Variants in ZNF195 observed in about 807,000 individuals in gnomAD.
ZNF195 encodes the protein zinc finger protein 195.
ZNF195 carries 11 observed loss-of-function variants against 19.5 expected under a neutral mutation model. The observed-to-expected ratio is 0.57, with a 90% confidence interval of 0.36 to 0.94. The LOEUF is 0.94. Among genes scored for constraint, ZNF195 ranks in the 40% least tolerant of loss-of-function variants. The pLI is 0.01. For synonymous variants in ZNF195, 214 were observed against 248.1 expected (o/e 0.86, Z 1.29); for missense variants, 582 against 709.0 (o/e 0.82, Z 2.03).
intron 3 of ZNF195, among the ~76,000 whole-genome samples, chr11:3,367,792 C>A (rs1428128030): frequency 6.6e-6 from 1 of 151,958 alleles, no homozygotes; most frequent in Non-Finnish European, 1.5e-5. Flanking sequence ...GGAGTGCTTG[C>A]CGGGTGCAGT....
In ZNF195 at chr11:3,373,644, G is replaced by A. The variant is rs1316862011; in HGVS notation, c.4-1941C>T. 7.1e-6 allele frequency: 11 copies of A among 1,548,160 alleles called. No individual in the cohort carries two copies. The Admixed American group carries it at 9.8e-5, about 14-fold the overall frequency. On this transcript the variant is annotated intron_variant, in intron 1 of 5. Transcript: ENST00000399602. ...GATTTCCTCTTAGGAAAGATTCTCT[G>A]GACAAATCACACCTGCATCGTGAGA...
At chr11:3,377,921 G>A (rs1477371048) in intron 1 of ZNF195, 2 of 986,360 alleles carry the variant, frequency 2.0e-6, no homozygotes, top group Middle Eastern at 5.2e-4. Context: ...TAAAAAGGAG[G>A]AGAGGCACAA....
At chr11:3,364,709 C>T (rs997922786) in intron 3 of ZNF195, among the ~76,000 whole-genome samples, 6 of 152,078 alleles carry the variant, frequency 3.9e-5, no homozygotes, top group African/African-American at 1.4e-4. Context: ...CTTGTCCACA[C>T]AAAATCAACA....
chr11:3,361,648 TA>T, intron 4 of ZNF195, 94 bp downstream of exon 4: 1 of 1,005,474 alleles, frequency 9.9e-7, no homozygotes, highest in Non-Finnish European at 1.3e-6. Context: ...AAAAGGGACA[TA>T]AGACACATTA....
At chr11:3,370,251 T>C (rs1475044909) in intron 3 of ZNF195, among the ~76,000 whole-genome samples, 3 of 151,852 alleles carry the variant, frequency 2.0e-5, no homozygotes, top group Non-Finnish European at 4.4e-5. Context: ...CACACATACA[T>C]ACATATGAAT....
intron 1 of ZNF195, among the ~76,000 whole-genome samples, chr11:3,378,469 A>G (rs1438530576): frequency 6.6e-6 from 1 of 152,202 alleles, no homozygotes; most frequent in East Asian, 1.9e-4. Context: ...CCTCTAATTA[A>G]CTTCTGATTA....
chr11:3,375,297 T>A (rs564312981), intron 1 of ZNF195, among the ~76,000 whole-genome samples: 1 of 152,312 alleles, frequency 6.6e-6, no homozygotes, highest in African/African-American at 2.4e-5. Flanking sequence ...AGGGTTTGTA[T>A]AATTTTAATC....
At chr11:3,362,400 G>T (rs145418985) in intron 3 of ZNF195, 132 of 328,742 alleles carry the variant, frequency 4.0e-4, no homozygotes, top group Non-Finnish European at 1.5e-4. Context: ...TTTGAAAGAT[G>T]AAAGTAGAAA....
chr11:3,361,637 A>C (rs1848636950), intron 4 of ZNF195, 106 bp downstream of exon 4: 2 of 839,960 alleles, frequency 2.4e-6, no homozygotes, highest in Admixed American at 7.8e-5. Context: ...TAGTATAAAC[A>C]AAAAGGGACA....
intron 3 of ZNF195, among the ~76,000 whole-genome samples, chr11:3,366,410 C>T (rs1848888880): frequency 6.6e-6 from 1 of 151,836 alleles, no homozygotes; most frequent in Admixed American, 6.6e-5. Flanking sequence ...GTGAAAATAC[C>T]ACCTAAGAAA....
chr11:3,374,572 G>A (rs1396602106), intron 1 of ZNF195, among the ~76,000 whole-genome samples: 4 of 152,220 alleles, frequency 2.6e-5, no homozygotes, highest in African/African-American at 9.7e-5. Flanking sequence ...CGGGGTGCTC[G>A]GATGTATGTG....
intron 3 of ZNF195, among the ~76,000 whole-genome samples, chr11:3,363,128 C>T (rs1375362611): frequency 6.6e-6 from 1 of 152,210 alleles, no homozygotes; most frequent in African/African-American, 2.4e-5. Context: ...TCCTATTATA[C>T]TGCTATTTTT....
At chr11:3,361,285 G>C (rs955815165) in intron 4 of ZNF195, among the ~76,000 whole-genome samples, 6 of 152,174 alleles carry the variant, frequency 3.9e-5, no homozygotes, top group Admixed American at 3.3e-4. Flanking sequence ...TGTGGCAGGA[G>C]GCTTGTTGTT....
At chr11:3,371,463 G>T in intron 2 of ZNF195, 114 bp downstream of exon 2, 1 of 1,338,242 alleles carries the variant, frequency 7.5e-7, no homozygotes, top group Non-Finnish European at 1.0e-6. Context: ...TTTCTTAAAA[G>T]CAGGGATCTG....
At position 3,371,576 on chromosome 11, in the gene ZNF195, C is replaced by T. The variant is rs1450627496; in HGVS notation, c.130+1G>A. On this transcript the variant is annotated splice_donor_variant, in intron 2 of 5. Coordinates refer to ENST00000399602, the MANE Select transcript of ZNF195 (RefSeq NM_001130520.3). LOFTEE classifies it high-confidence loss of function. ...GAACTACGTATTGAAGTTATCCTCA[C>T]CAACGGAGAACAAGTTTCTGTAGTT... The T allele has an allele frequency of 6.2e-7, 1 of 1,614,086 alleles. No individual in the cohort carries two copies. The highest frequency in any genetic ancestry group is 8.5e-7 in the Non-Finnish European group (1 of 1,179,968).
chr11:3,367,065 A>G (rs1425445644), intron 3 of ZNF195: 1 of 116,356 alleles, frequency 8.6e-6, no homozygotes. Flanking sequence ...ACTCTGTGTA[A>G]AAAAAAAAAA....
Position 3,361,767 on chromosome 11 carries a change from T to C in ZNF195, c.349A>G (p.Asn117Asp). 7.7e-7 allele frequency: 1 copy of C among 1,293,406 alleles called. No homozygotes were observed. Among genetic ancestry groups the C allele is most frequent in the Non-Finnish European group, 1.0e-6 (1 of 979,646 alleles). The allele number at this position is 1,293,406 out of a possible 1,614,324, so 80.1% of individuals were successfully genotyped here. A position where few individuals can be genotyped will look rare whatever the true frequency, so the allele number is the denominator to read the frequency against. Residue 117 changes from asparagine to aspartate, a missense_variant, in exon 4 of 6, where the codon AAT becomes GAT. Coordinates refer to ENST00000399602, the MANE Select transcript of ZNF195 (RefSeq NM_001130520.3). ...CCAGTGAATTTGTCCACAGAAACAT[T>C]GAGGCCTGGCTGGGCACGGTGGTTC... ...GVNHRAQPGL[N>D]VSVDKFTALC... is the part of the protein sequence containing the mutation.
At chr11:3,370,197 CACACACATATAT>C (rs34887649) in intron 3 of ZNF195, among the ~76,000 whole-genome samples, 112,763 of 150,512 alleles carry the variant, frequency 0.75, 42,581 homozygotes, top group Middle Eastern at 0.8. Flanking sequence ...ATGATATATA[CACACACATATAT>C]ACACACATAT....
chr11:3,359,861 T>G lies in ZNF195; in HGVS notation c.1147A>C (p.Lys383Gln). ...QMILAGEKLS[K>Q]CETWYKGFNH... ...AAACCTTTGTACCATGTTTCACATT[T>G]GGAGAGCTTCTCTCCAGCAAGAATC... The change falls in exon 6 of 6, where the codon AAA (lysine) becomes CAA (glutamine). Residue 383 changes from lysine to glutamine, a missense_variant. Lys to Gln is a moderately conservative substitution (Grantham distance 53). Transcript: ENST00000399602. This position sits in a 1 kb window ranked among gnomAD's most constrained non-coding sequence, Gnocchi z 5.5. The G allele has an allele frequency of 6.2e-7, 1 of 1,614,186 alleles. No individual in the cohort carries two copies. The highest frequency in any genetic ancestry group is 2.2e-5 in the East Asian group (1 of 44,888).
Sources: allele counts gnomAD v4.1 joint callset (sites outside exome capture counted in the v4.1 genomes callset), GRCh38; gene constraint gnomAD v4.1.1; non-coding constraint Gnocchi (gnomAD v3.1); transcripts MANE v1.5; gene names NCBI Gene and HGNC (gene_info 2026-07-23, HGNC 2026-07-21).